FERMT1: variants seen among roughly 807,000 people sequenced by gnomAD.
FERMT1 encodes the protein FERM domain containing kindlin 1.
In FERMT1, 60 loss-of-function variants were observed where a neutral mutation model predicts 85.3. That is an observed-to-expected ratio of 0.70 (90% confidence interval 0.57 to 0.87). The LOEUF is 0.87. FERMT1 is among the 40% of genes least tolerant of loss of function. The probability of loss-of-function intolerance (pLI) is 0.00; values close to 1 mark genes in which losing one functional copy is unlikely to be tolerated. For synonymous variants in FERMT1, 275 were observed against 301.1 expected (o/e 0.91, Z 0.90); for missense variants, 701 against 818.9 (o/e 0.86, Z 1.76).
chr20:6,116,605 G>C (rs947931116), intron 2 of FERMT1, among the ~76,000 whole-genome samples: 1 of 151,646 alleles, frequency 6.6e-6, no homozygotes, highest in Non-Finnish European at 1.5e-5. Flanking sequence ...GTGCGCACCT[G>C]TTAATCCCAG....
intron 6 of FERMT1, among the ~76,000 whole-genome samples, chr20:6,099,500 A>G (rs926600764): frequency 6.6e-6 from 1 of 152,216 alleles, no homozygotes. Context: ...AATACAAAAA[A>G]ACAAATACTG....
At chr20:6,110,666 C>T (rs889541027) in intron 4 of FERMT1, among the ~76,000 whole-genome samples, 155 bp from the exon 5 acceptor site, 3 of 152,204 alleles carry the variant, frequency 2.0e-5, no homozygotes, top group Non-Finnish European at 2.9e-5. Flanking sequence ...TGGCCCGCGT[C>T]TATAATCCTA....
intron 13 of FERMT1, among the ~76,000 whole-genome samples, chr20:6,080,575 C>A (rs191717624): frequency 6.6e-6 from 1 of 152,126 alleles, no homozygotes; most frequent in Non-Finnish European, 1.5e-5. Flanking sequence ...CACTCTGGAC[C>A]GGCTCTGTGA....
chr20:6,119,677 ACCT>A (rs777772727), intron 1 of FERMT1, 105 bp from the exon 2 acceptor site: 21 of 906,616 alleles, frequency 2.3e-5, no homozygotes, highest in Non-Finnish European at 3.4e-5. Flanking sequence ...TTTCATTGTA[ACCT>A]CCTCTTCAAA....
Position 6,089,010 on chromosome 20 carries a change from T to G in FERMT1, c.1219A>C (p.Lys407Gln). The G allele has an allele frequency of 6.2e-7, 1 of 1,612,260 alleles. No individual in the cohort carries two copies. The highest frequency in any genetic ancestry group is 8.5e-7 in the Non-Finnish European group (1 of 1,178,508). The part of the protein sequence containing the change: ...KDTSIAYFKN[K>Q]ELEQGEPLEK... ...AGTGGTTCTCCTTGTTCAAGTTCCT[T>G]ATTTTTAAAGTATGCTATGGATGTG... Residue 407 changes from lysine to glutamine, a missense_variant, in exon 10 of 15, where the codon AAG (lysine) becomes CAG (glutamine). Coordinates refer to ENST00000217289, the MANE Select transcript of FERMT1 (RefSeq NM_017671.5).
intron 3 of FERMT1, among the ~76,000 whole-genome samples, chr20:6,114,013 A>T (rs1024339982): frequency 6.6e-6 from 1 of 152,180 alleles, no homozygotes; most frequent in African/African-American, 2.4e-5. Flanking sequence ...AAACCAATTA[A>T]TTTGGACTTT....
chr20:6,115,438 A>G (rs1983069883), intron 3 of FERMT1, among the ~76,000 whole-genome samples: 3 of 152,236 alleles, frequency 2.0e-5, no homozygotes, highest in Admixed American at 2.0e-4. Context: ...CAAAAACAAT[A>G]AAGACACATA....
chr20:6,089,289 C>T (rs1230824970), intron 9 of FERMT1, among the ~76,000 whole-genome samples, 200 bp from the exon 10 acceptor site: 1 of 152,200 alleles, frequency 6.6e-6, no homozygotes, highest in Non-Finnish European at 1.5e-5. Context: ...TAAGCCTCCA[C>T]CTGGGGCCAC....
At chr20:6,097,803 G>GTT (rs374919502) in intron 6 of FERMT1, among the ~76,000 whole-genome samples, 172 bp from the exon 7 acceptor site, 2 of 144,958 alleles carry the variant, frequency 1.4e-5, no homozygotes. Context: ...TTTTTTTAAA[G>GTT]TTTTTTTTTT....
In FERMT1 at chr20:6,097,526, G is replaced by T; in HGVS notation, c.955C>A (p.Gln319Lys). The change falls in exon 7 of 15, where the codon CAG becomes AAG. Residue 319 changes from glutamine (Q) to lysine (K), a missense_variant and splice_region_variant. Coordinates refer to ENST00000217289, the MANE Select transcript of FERMT1 (RefSeq NM_017671.5). ...EEEMLIFAAL[Q>K]YHISKLSLSA... is the part of the protein sequence containing the mutation. ...AAAAGGTACTGAAGTTCCCATACCTGTAGAGCTGCAAAGATCAACATTTCT... is the reference window on the plus strand; with the variant it reads ...AAAAGGTACTGAAGTTCCCATACCTTTAGAGCTGCAAAGATCAACATTTCT... 1 of 1,608,354 alleles carries T rather than the reference G, an allele frequency of 6.2e-7. No individual in the cohort carries two copies. The highest frequency in any genetic ancestry group is 8.5e-7 in the Non-Finnish European group (1 of 1,174,820).
rs754770222 is a variant in FERMT1 at position 6,079,471 on chromosome 20, T to C, written c.1825A>G (p.Ile609Val). 1 of 1,614,188 alleles carries C rather than the reference T, an allele frequency of 6.2e-7. No homozygotes were observed. Among genetic ancestry groups the C allele is most frequent in the Non-Finnish European group, 8.5e-7 (1 of 1,180,018 alleles). Residue 609 changes from isoleucine to valine, a missense_variant, in exon 14 of 15, where the codon ATC becomes GTC. Coordinates refer to ENST00000217289, the MANE Select transcript of FERMT1 (RefSeq NM_017671.5). ...TCCCAGTTTACATTCCACTGTTTGA[T>C]ATTTGTGAATCTCCATGTTGTCACT... The part of the protein sequence containing the change: ...IPVTTWRFTN[I>V]KQWNVNWETR...
chr20:6,097,876 G>T (rs1982553244), intron 6 of FERMT1, among the ~76,000 whole-genome samples: 1 of 151,176 alleles, frequency 6.6e-6, no homozygotes, highest in Non-Finnish European at 1.5e-5. Flanking sequence ...GTACAGTAGT[G>T]CAATCTTGGC....
intron 13 of FERMT1, among the ~76,000 whole-genome samples, chr20:6,080,539 G>A (rs1023212856): frequency 1.3e-5 from 2 of 152,200 alleles, no homozygotes; most frequent in East Asian, 1.9e-4. Context: ...TGGGATCAGG[G>A]TAGAGGCAGG....
chr20:6,078,431 A>G (rs771400424), intron 14 of FERMT1, among the ~76,000 whole-genome samples: 9 of 152,204 alleles, frequency 5.9e-5, no homozygotes, highest in Non-Finnish European at 1.0e-4. Flanking sequence ...TGCCAAAGGA[A>G]TGAGGGAAGA....
At chr20:6,109,158 C>T (rs1982875625) in intron 5 of FERMT1, among the ~76,000 whole-genome samples, 1 of 152,090 alleles carries the variant, frequency 6.6e-6, no homozygotes, top group African/African-American at 2.4e-5. Context: ...ACAAAATCAC[C>T]ATCCTAAAAG....
At chr20:6,100,284 C>A (rs1982627698) in intron 6 of FERMT1, among the ~76,000 whole-genome samples, 1 of 151,944 alleles carries the variant, frequency 6.6e-6, no homozygotes, top group South Asian at 2.1e-4. Context: ...ATGATACATG[C>A]TACAATAGGA....
At chr20:6,102,679 G>GAAAAAAAAAAAAAAAA (rs769578429) in intron 6 of FERMT1, among the ~76,000 whole-genome samples, 4 of 50,750 alleles carry the variant, frequency 7.9e-5, no homozygotes, top group African/African-American at 2.7e-4. Context: ...TGTGTCTCAA[G>GAAAAAAAAAAAAAAAA]AAAAAAAAAA....
At position 6,110,398 on chromosome 20, in the gene FERMT1, A is replaced by T; in HGVS notation, c.646T>A (p.Cys216Ser). Residue 216 changes from cysteine (C) to serine (S), a missense_variant, in exon 5 of 15, where the codon TGC becomes AGC. By Grantham distance (112) the Cys-to-Ser change is moderately radical. Transcript: ENST00000217289. ...GGTTGGCTGAATGCGAGGATGCTGCAGTTTTGTTCCGTCAAAGGGCTGTCA... is the reference window on the plus strand; with the variant it reads ...GGTTGGCTGAATGCGAGGATGCTGCTGTTTTGTTCCGTCAAAGGGCTGTCA... Reference protein sequence around the residue: ...FSDSPLTEQNCSILAFSQPPQ... With the variant: ...FSDSPLTEQNSSILAFSQPPQ... 1 of 1,614,040 alleles carries T rather than the reference A, an allele frequency of 6.2e-7. No individual in the cohort carries two copies. The highest frequency in any genetic ancestry group is 1.1e-5 in the South Asian group (1 of 91,072).
At position 6,096,889 on chromosome 20, in the gene FERMT1, A is replaced by G; in HGVS notation, c.1089+13T>C. On this transcript the variant is annotated intron_variant, in intron 8 of 14. Transcript: ENST00000217289. ...GAAAGCCACAGTTCTGGGTGATCAG[A>G]AAAAGTTCATACCAAAAGGCTGTCC... is the stretch of plus-strand genomic sequence containing the variant. The G allele has an allele frequency of 6.2e-7, 1 of 1,612,188 alleles. No individual in the cohort carries two copies. The highest frequency in any genetic ancestry group is 1.1e-5 in the South Asian group (1 of 91,046).
Sources: gnomAD v4.1 joint callset for allele counts (sites outside exome capture counted in the v4.1 genomes callset) on GRCh38, gnomAD v4.1.1 for gene constraint, MANE v1.5 for transcripts, NCBI Gene and HGNC (gene_info 2026-07-23, HGNC 2026-07-21) for gene names.